The following WDFY4 variants were observed in gnomAD, a reference collection of about 807,000 sequenced individuals.
The protein encoded by WDFY4 is WD repeat- and FYVE domain-containing protein 4.
WDFY4 carries 169 observed loss-of-function variants against 351.9 expected under a neutral mutation model. The observed-to-expected ratio is 0.48, with a 90% confidence interval of 0.42 to 0.55. The LOEUF (loss-of-function observed/expected upper bound fraction) is 0.55, where lower values mean the gene tolerates loss of function less well. Among genes scored for constraint, WDFY4 ranks in the 20% least tolerant of loss-of-function variants. The probability of loss-of-function intolerance (pLI) is 0.00; values close to 1 mark genes in which losing one functional copy is unlikely to be tolerated. For synonymous variants in WDFY4, 1,622 were observed against 1,574.6 expected (o/e 1.03, Z -0.71); for missense variants, 3,803 against 3,935.6 (o/e 0.97, Z 0.90).
chr10:48,855,028 A>G (rs1290104904), intron 39 of WDFY4, among the ~76,000 whole-genome samples: 1 of 152,246 alleles, frequency 6.6e-6, no homozygotes, highest in African/African-American at 2.4e-5. Flanking sequence ...AAACAATGTA[A>G]CAGCAATATT....
At position 48,709,810 on chromosome 10, in the gene WDFY4, T is replaced by C. The variant is rs1453320740; in HGVS notation, c.78T>C (p.Ala26=). 1 of 1,551,904 alleles carries C rather than the reference T, an allele frequency of 6.4e-7. No homozygotes were observed. The highest frequency in any genetic ancestry group is 1.2e-5 in the South Asian group (1 of 84,068). ...CCAAAAATGAAGGGCAGCTTGCTGC[T>C]GTGCAGCCTGATGTCCCACATGGAG... The part of the protein sequence containing the change: ...PGSKNEGQLA[A]VQPDVPHGGQ... The change falls in exon 2 of 62, where the codon GCT becomes GCC. Residue 26 remains alanine (A), a synonymous_variant. Coordinates refer to ENST00000325239, the MANE Select transcript of WDFY4 (RefSeq NM_001394531.1).
intron 12 of WDFY4, among the ~76,000 whole-genome samples, chr10:48,751,465 G>C (rs944781122): frequency 2.0e-5 from 3 of 152,210 alleles, no homozygotes; most frequent in African/African-American, 7.2e-5. Flanking sequence ...GCTCCTTCCA[G>C]GGATGGCAGT....
At chr10:48,703,582 A>T (rs1379442516) in intron 1 of WDFY4, among the ~76,000 whole-genome samples, 1 of 152,208 alleles carries the variant, frequency 6.6e-6, no homozygotes, top group Non-Finnish European at 1.5e-5. Flanking sequence ...CCTTTGGGTC[A>T]TTCCACATGT....
intron 31 of WDFY4, among the ~76,000 whole-genome samples, chr10:48,816,422 T>C (rs2067622265): frequency 6.6e-6 from 1 of 152,242 alleles, no homozygotes; most frequent in African/African-American, 2.4e-5. Flanking sequence ...TCACATTTTC[T>C]AATGTCCATG....
At chr10:48,711,063 A>G (rs2063757086) in intron 2 of WDFY4, among the ~76,000 whole-genome samples, 1 of 152,254 alleles carries the variant, frequency 6.6e-6, no homozygotes, top group Non-Finnish European at 1.5e-5. Flanking sequence ...AAAGTAGACT[A>G]TGGCAGATGG....
intron 8 of WDFY4, among the ~76,000 whole-genome samples, chr10:48,730,185 T>C (rs1398649867): frequency 6.6e-6 from 1 of 151,976 alleles, no homozygotes; most frequent in East Asian, 1.9e-4. Context: ...TAAGTGTGGG[T>C]TGTCTAGGTT....
In WDFY4 at chr10:48,978,346, G is replaced by C; in HGVS notation, c.9329G>C (p.Gly3110Ala). The C allele has an allele frequency of 1.3e-6, 2 of 1,551,478 alleles. No individual in the cohort carries two copies. The highest frequency in any genetic ancestry group is 1.7e-6 in the Non-Finnish European group (2 of 1,146,892). The change falls in exon 60 of 62, where the codon GGA (glycine) becomes GCA (alanine). Residue 3110 changes from glycine (G) to alanine (A), a missense_variant. By Grantham distance (60) the Gly-to-Ala change is moderately conservative. Coordinates refer to ENST00000325239, the MANE Select transcript of WDFY4 (RefSeq NM_001394531.1). The stretch of plus-strand genomic sequence containing the variant: ...GAGGATGTGAAGATGTCTGTTCCTG[G>C]ACGGCCAGCAGGAGAGGAGCCCCCG... ...KTEDVKMSVP[G>A]RPAGEEPPAQ...
rs11101536 is a variant in WDFY4 at position 48,861,763 on chromosome 10, A to C, written c.6664-5502A>C. ...TGCTATTTGGGGGATTTTTTCAGCCATTTTTTTTTAGTAAGTTTTAGGCAC... is the reference window on the plus strand; with the variant it reads ...TGCTATTTGGGGGATTTTTTCAGCCCTTTTTTTTTAGTAAGTTTTAGGCAC... On this transcript the variant is annotated intron_variant, in intron 39 of 61. Transcript: ENST00000325239. Among the ~76,000 whole-genome samples the C allele has an allele frequency of 2.0e-4, 30 of 150,402 alleles. No individual in the cohort carries two copies. The East Asian group carries it at 5.3e-3, about 26-fold the overall frequency.
intron 12 of WDFY4, among the ~76,000 whole-genome samples, chr10:48,752,697 C>T (rs961317285): frequency 6.6e-6 from 1 of 152,216 alleles, no homozygotes; most frequent in Non-Finnish European, 1.5e-5. Flanking sequence ...TACATTGTAA[C>T]GTATATCAGT....
intron 25 of WDFY4, 84 bp downstream of exon 25, chr10:48,803,443 T>C: frequency 7.5e-7 from 1 of 1,342,158 alleles, no homozygotes; most frequent in Non-Finnish European, 1.0e-6. Context: ...CCAGTGGCTC[T>C]TCCCTGCTCC....
chr10:48,831,824 C>A lies in WDFY4; in HGVS notation c.6527-749C>A, dbSNP rs143608176. Among the ~76,000 whole-genome samples the A allele has an allele frequency of 7.3e-3, 1,107 of 152,292 alleles. 7 individuals are homozygous for A. Among genetic ancestry groups the A allele is most frequent in the Admixed American group, 0.012 (179 of 15,300 alleles). ...CTCTGTAAGGGAGAAATGCTGTGTC[C>A]TCCCATGTTGGAAGAGACAGAAGGG... On this transcript the variant is annotated intron_variant, in intron 38 of 61. Transcript: ENST00000325239.
At chr10:48,879,962 A>C (rs2070181012) in intron 43 of WDFY4, among the ~76,000 whole-genome samples, 1 of 152,136 alleles carries the variant, frequency 6.6e-6, no homozygotes, top group Non-Finnish European at 1.5e-5. Context: ...CACATAATCC[A>C]GGGTCACATC....
Position 48,816,148 on chromosome 10 carries a change from A to T in WDFY4, c.5341-1097A>T, listed in dbSNP as rs149360692. On this transcript the variant is annotated intron_variant, in intron 31 of 61. Coordinates refer to ENST00000325239, the MANE Select transcript of WDFY4 (RefSeq NM_001394531.1). ...ATTTCCCATTCATTTAATTTGCACA[A>T]ATGGTCTCCTTTAACTCATGTCATT... Among the ~76,000 whole-genome samples, 226 of 152,264 alleles carry T rather than the reference A, an allele frequency of 1.5e-3. 1 individual carries two copies. The highest frequency in any genetic ancestry group is 4.9e-3 in the African/African-American group (204 of 41,560).
At chr10:48,821,703 G>A (rs1226710777) in intron 34 of WDFY4, among the ~76,000 whole-genome samples, 1 of 152,228 alleles carries the variant, frequency 6.6e-6, no homozygotes, top group African/African-American at 2.4e-5. Flanking sequence ...CCAAGCCACA[G>A]GAATCCCTAG....
In WDFY4 at chr10:48,793,228, G is replaced by T. The variant is rs147032393; in HGVS notation, c.4257+2311G>T. 4.2e-3 allele frequency among the ~76,000 whole-genome samples: 647 copies of T among 152,278 alleles called. 2 individuals carry two copies. The highest frequency in any genetic ancestry group is 0.015 in the African/African-American group (611 of 41,536). ...TTCATGGGACTTACCATCCAAGAAGGTGGACAGAAAAATACTGTTAGCATG... is the reference window on the plus strand; with the variant it reads ...TTCATGGGACTTACCATCCAAGAAGTTGGACAGAAAAATACTGTTAGCATG... On this transcript the variant is annotated intron_variant, in intron 23 of 61. Coordinates refer to ENST00000325239, the MANE Select transcript of WDFY4 (RefSeq NM_001394531.1).
At chr10:48,918,204 A>T (rs1454305146) in intron 47 of WDFY4, among the ~76,000 whole-genome samples, 1 of 152,234 alleles carries the variant, frequency 6.6e-6, no homozygotes, top group Non-Finnish European at 1.5e-5. Flanking sequence ...AACAACTATT[A>T]AAATGATAGA....
intron 13 of WDFY4, among the ~76,000 whole-genome samples, chr10:48,762,846 C>G (rs960154192): frequency 2.0e-5 from 3 of 152,234 alleles, no homozygotes; most frequent in African/African-American, 7.2e-5. Flanking sequence ...GACTTAGGCC[C>G]AGGAAAAGCC....
intron 13 of WDFY4, among the ~76,000 whole-genome samples, chr10:48,769,397 C>T (rs2065786132): frequency 6.6e-6 from 1 of 152,162 alleles, no homozygotes; most frequent in Non-Finnish European, 1.5e-5. Flanking sequence ...AAAGCTCATC[C>T]GTAGGCCCCA....
At chr10:48,913,965 T>C (rs1838257611) in intron 47 of WDFY4, 1 of 1,614,066 alleles carries the variant, frequency 6.2e-7, no homozygotes. Context: ...GTCAGGGATC[T>C]TCCTGATAAG....
Sources: gnomAD v4.1 joint callset for allele counts (sites outside exome capture counted in the v4.1 genomes callset) on GRCh38, gnomAD v4.1.1 for gene constraint, MANE v1.5 for transcripts, NCBI Gene and HGNC (gene_info 2026-07-23, HGNC 2026-07-21) for gene names.